The following MYRIP variants were observed in gnomAD, a reference collection of about 807,000 sequenced individuals.
The protein encoded by MYRIP is rab effector MyRIP.
Under a neutral mutation model 98.0 loss-of-function variants are expected in MYRIP, and 49 were observed. The observed-to-expected ratio is 0.50, with a 90% CI of 0.40 to 0.63. The LOEUF is 0.63. Among genes scored for constraint, MYRIP ranks in the 30% least tolerant of loss-of-function variants. The pLI is 0.00. For missense variants in MYRIP, 1,004 were observed against 1,058.2 expected (o/e 0.95, Z 0.71); for synonymous variants, 404 against 409.5 (o/e 0.99, Z 0.16).
intron 3 of MYRIP, among the ~76,000 whole-genome samples, chr3:40,047,287 C>T (rs192524125): frequency 3.9e-5 from 6 of 152,320 alleles, no homozygotes; most frequent in Non-Finnish European, 8.8e-5. Flanking sequence ...CTTAGGTAGT[C>T]CCATTTCACT....
At chr3:39,976,159 G>A (rs189417369) in intron 2 of MYRIP, among the ~76,000 whole-genome samples, 36 of 152,178 alleles carry the variant, frequency 2.4e-4, no homozygotes, top group Admixed American at 2.1e-3. Flanking sequence ...ATCTGACAAA[G>A]GGCTAATATT....
rs1037984208 is a variant in MYRIP at position 40,258,436 on chromosome 3, T to A, written c.*270T>A. On this transcript the variant is annotated 3_prime_UTR_variant, in exon 17 of 17. Transcript: ENST00000302541. ...ACTGGCTTCCAACAGCAGCGCTCCA[T>A]GTTTAAGATACATATTTTCCCTGTT... is the stretch of plus-strand genomic sequence containing the variant. The A allele has an allele frequency of 7.0e-6, 3 of 430,852 alleles. No individual in the cohort carries two copies. The highest frequency in any genetic ancestry group is 1.3e-5 in the Non-Finnish European group (3 of 238,246). The allele number at this position is 430,852 out of a possible 1,614,324, so 26.7% of individuals were successfully genotyped here. A position where few individuals can be genotyped will look rare whatever the true frequency, so the allele number is the denominator to read the frequency against.
At chr3:39,964,062 A>G (rs564592283) in intron 2 of MYRIP, among the ~76,000 whole-genome samples, 2 of 152,078 alleles carry the variant, frequency 1.3e-5, no homozygotes, top group Non-Finnish European at 1.5e-5. Flanking sequence ...TCAGCTGTAC[A>G]TTTAAATTCC....
intron 10 of MYRIP, 39 bp from the exon 11 acceptor site, chr3:40,209,815 C>T: frequency 1.2e-6 from 2 of 1,611,058 alleles, no homozygotes; most frequent in East Asian, 2.2e-5. Context: ...ATGGCTGTAG[C>T]AGAGGGCTCC....
At chr3:40,031,492 AG>A (rs747477577) in intron 2 of MYRIP, among the ~76,000 whole-genome samples, 43 of 152,234 alleles carry the variant, frequency 2.8e-4, no homozygotes, top group Non-Finnish European at 5.4e-4. Context: ...TGTGGCCTTG[AG>A]CCTTTGCAAG....
intron 2 of MYRIP, 73 bp from the exon 3 acceptor site, chr3:40,043,977 C>A: frequency 7.0e-7 from 1 of 1,434,604 alleles, no homozygotes; most frequent in Non-Finnish European, 9.6e-7. Flanking sequence ...AGGGTGCATG[C>A]TTTGGGGAGA....
At chr3:39,989,007 A>G (rs1295692052) in intron 2 of MYRIP, among the ~76,000 whole-genome samples, 2 of 151,660 alleles carry the variant, frequency 1.3e-5, no homozygotes, top group South Asian at 2.1e-4. Context: ...TCTGAAGCCT[A>G]TTTCTGTCAA....
intron 11 of MYRIP, among the ~76,000 whole-genome samples, chr3:40,230,020 G>C (rs1191074806): frequency 2.0e-5 from 3 of 152,184 alleles, no homozygotes; most frequent in Non-Finnish European, 4.4e-5. Context: ...CTCACTAGAA[G>C]GTTGTGTTAC....
chr3:39,969,649 A>G (rs1383112761), intron 2 of MYRIP, among the ~76,000 whole-genome samples: 8 of 152,112 alleles, frequency 5.3e-5, no homozygotes, highest in African/African-American at 1.9e-4. Flanking sequence ...TGTTGAATCA[A>G]CCTTGCATCT....
chr3:40,001,775 G>A (rs1274684095), intron 2 of MYRIP, among the ~76,000 whole-genome samples: 2 of 152,190 alleles, frequency 1.3e-5, no homozygotes, highest in African/African-American at 4.8e-5. Flanking sequence ...ATGGACCAGG[G>A]AAGAGCTGAT....
chr3:40,093,634 T>A (rs912128288), intron 3 of MYRIP, among the ~76,000 whole-genome samples: 1 of 152,196 alleles, frequency 6.6e-6, no homozygotes, highest in Non-Finnish European at 1.5e-5. Flanking sequence ...CAGCTCCTGC[T>A]CTCACACTGG....
chr3:39,882,445 C>T (rs1404957194), intron 1 of MYRIP, among the ~76,000 whole-genome samples: 1 of 152,094 alleles, frequency 6.6e-6, no homozygotes. Flanking sequence ...AGATTTAGAA[C>T]CCACAAATGA....
chr3:40,000,986 G>A lies in MYRIP; in HGVS notation c.111-43064G>A, dbSNP rs528375324. The stretch of plus-strand genomic sequence containing the variant: ...TAACTCTCATGAATTCTTTGTATTG[G>A]TGTTTCCCAAAGTGTGACAGTGGAC... On this transcript the variant is annotated intron_variant, in intron 2 of 16. Coordinates refer to ENST00000302541, the MANE Select transcript of MYRIP (RefSeq NM_015460.4). 1.4e-4 allele frequency among the ~76,000 whole-genome samples: 22 copies of A among 152,248 alleles called. No individual in the cohort carries two copies. In the South Asian group the frequency reaches 4.6e-3, roughly 32 times the overall value.
intron 3 of MYRIP, among the ~76,000 whole-genome samples, chr3:40,047,532 A>G (rs939556757): frequency 6.6e-5 from 10 of 152,236 alleles, no homozygotes; most frequent in African/African-American, 2.2e-4. Flanking sequence ...AAGCTGGCAG[A>G]AAGGGGATGC....
At chr3:39,906,611 C>G (rs961193573) in intron 2 of MYRIP, among the ~76,000 whole-genome samples, 6 of 152,150 alleles carry the variant, frequency 3.9e-5, no homozygotes, top group Admixed American at 2.0e-4. Context: ...CCTTTATTCT[C>G]TCAGTTATGT....
intron 2 of MYRIP, among the ~76,000 whole-genome samples, chr3:40,018,133 C>G (rs1204652606): frequency 6.6e-6 from 1 of 152,164 alleles, no homozygotes; most frequent in African/African-American, 2.4e-5. Context: ...ATTTGGCTGC[C>G]ACATTACTGC....
intron 2 of MYRIP, among the ~76,000 whole-genome samples, chr3:39,919,682 CGGGTATGTGTGGTGTGTGTGTGTGT>C (rs1944255667): frequency 7.2e-6 from 1 of 139,672 alleles, no homozygotes; most frequent in African/African-American, 2.8e-5. Flanking sequence ...GCCATGTGTG[CGGGTATGTGTGGTGTGTGTGTGTGT>C]GTGTGTGTGT....
chr3:39,847,657 A>G (rs797019277), intron 1 of MYRIP, among the ~76,000 whole-genome samples: 13 of 152,252 alleles, frequency 8.5e-5, no homozygotes, highest in African/African-American at 3.1e-4. Context: ...TTTAAGGCCC[A>G]GGCCTCTTGG....
intron 3 of MYRIP, among the ~76,000 whole-genome samples, chr3:40,096,772 C>T (rs2125887777): frequency 6.6e-6 from 1 of 152,316 alleles, no homozygotes; most frequent in South Asian, 2.1e-4. Flanking sequence ...CACAATGTGG[C>T]ATTGGGCAAA....
Sources: gnomAD v4.1 joint callset for allele counts (sites outside exome capture counted in the v4.1 genomes callset) on GRCh38, gnomAD v4.1.1 for gene constraint, MANE v1.5 for transcripts, NCBI Gene and HGNC (gene_info 2026-07-23, HGNC 2026-07-21) for gene names.